Variants in AAK1 observed in about 807,000 individuals in gnomAD.
AAK1 encodes the protein AP2-associated protein kinase 1.
AAK1 carries 37 observed loss-of-function variants against 116.0 expected under a neutral mutation model. The ratio of observed to expected loss-of-function variants is 0.32; its 90% CI spans 0.25 to 0.42. AAK1 has a LOEUF of 0.42. Among genes scored for constraint, AAK1 ranks in the 10% least tolerant of loss-of-function variants. The pLI is 1.00. For synonymous variants in AAK1, 458 were observed against 439.9 expected (o/e 1.04, Z -0.51); for missense variants, 919 against 1,170.6 (o/e 0.79, Z 3.14).
intron 2 of AAK1, among the ~76,000 whole-genome samples, chr2:69,591,265 A>C (rs1245410140): frequency 6.6e-6 from 1 of 152,194 alleles, no homozygotes; most frequent in Non-Finnish European, 1.5e-5. Context: ...CCCAGGCTCT[A>C]CAGGAGCATG....
intron 2 of AAK1, among the ~76,000 whole-genome samples, chr2:69,630,078 C>T (rs1675096179): frequency 6.6e-6 from 1 of 152,052 alleles, no homozygotes. Flanking sequence ...GAGGAGGGCG[C>T]AGGCCTGGTG....
chr2:69,534,319 G>A (rs184599676), intron 5 of AAK1, among the ~76,000 whole-genome samples: 1 of 152,180 alleles, frequency 6.6e-6, no homozygotes, highest in Non-Finnish European at 1.5e-5. Flanking sequence ...GCTACAGGAA[G>A]CAGGTTAGAA....
chr2:69,606,259 G>C (rs1263237647), intron 2 of AAK1, among the ~76,000 whole-genome samples: 2 of 152,148 alleles, frequency 1.3e-5, no homozygotes, highest in African/African-American at 2.4e-5. Context: ...GGGTGTCCAT[G>C]TCTTCCCCAC....
intron 2 of AAK1, among the ~76,000 whole-genome samples, chr2:69,625,805 G>A (rs536340149): frequency 5.3e-5 from 8 of 152,210 alleles, no homozygotes; most frequent in African/African-American, 1.9e-4. Flanking sequence ...TTCCAACAAT[G>A]AGTTGTCTCA....
rs927419160 is a variant in AAK1 at position 69,461,558 on chromosome 2, G to A, written c.*14311C>T. ...GCATCCGTTTCTGTATTCAAAGAAGGTATGTAGAGTCTCCACCCATCATGT... is the reference window on the plus strand; with the variant it reads ...GCATCCGTTTCTGTATTCAAAGAAGATATGTAGAGTCTCCACCCATCATGT... On this transcript the variant is annotated 3_prime_UTR_variant, in exon 22 of 22. Coordinates refer to ENST00000409085, the MANE Select transcript of AAK1 (RefSeq NM_014911.5). 11 of 375,062 alleles carry A rather than the reference G, an allele frequency of 2.9e-5. No homozygotes were observed. Among genetic ancestry groups the A allele is most frequent in the Admixed American group, 2.0e-4 (6 of 29,578 alleles). 23.2% of individuals were successfully genotyped at this position (375,062 alleles called of 1,614,324 possible).
chr2:69,551,043 C>T (rs1018614034), intron 3 of AAK1, among the ~76,000 whole-genome samples: 1 of 151,712 alleles, frequency 6.6e-6, no homozygotes, highest in Non-Finnish European at 1.5e-5. Flanking sequence ...TTTCATGCTT[C>T]CTGTGTTTTT....
At chr2:69,611,064 T>G (rs898541836) in intron 2 of AAK1, among the ~76,000 whole-genome samples, 6 of 152,102 alleles carry the variant, frequency 3.9e-5, no homozygotes, top group African/African-American at 1.4e-4. Context: ...TTTGACTGGA[T>G]TGAGGGATGC....
At chr2:69,608,182 G>A (rs926714411) in intron 2 of AAK1, among the ~76,000 whole-genome samples, 7 of 152,276 alleles carry the variant, frequency 4.6e-5, no homozygotes, top group Middle Eastern at 3.4e-3. Context: ...CACAAAAGAA[G>A]GCTAGGGCAG....
Position 69,470,038 on chromosome 2 carries a change from A to ATC in AAK1, c.*5830_*5831insGA. 3 of 985,450 alleles carry ATC rather than the reference A, an allele frequency of 3.0e-6. No individual in the cohort carries two copies. Among genetic ancestry groups the ATC allele is most frequent in the Non-Finnish European group, 3.6e-6 (3 of 829,942 alleles). The allele number at this position is 985,450 out of a possible 1,614,324, so 61.0% of individuals were successfully genotyped here. The stretch of plus-strand genomic sequence containing the variant: ...TCATTTAGGATGGGTTTCCCCTGGA[A>ATC]ACTCCATCTGATTGACATAGTGAGG... On this transcript the variant is annotated 3_prime_UTR_variant, in exon 22 of 22. Coordinates refer to ENST00000409085, the MANE Select transcript of AAK1 (RefSeq NM_014911.5).
chr2:69,503,846 A>C (rs1676069686), intron 16 of AAK1, among the ~76,000 whole-genome samples: 1 of 152,128 alleles, frequency 6.6e-6, no homozygotes, highest in African/African-American at 2.4e-5. Flanking sequence ...ATACTTTAAC[A>C]AAATTAGCTG....
chr2:69,603,392 A>T (rs1673663804), intron 2 of AAK1, among the ~76,000 whole-genome samples: 1 of 151,748 alleles, frequency 6.6e-6, no homozygotes, highest in Non-Finnish European at 1.5e-5. Context: ...GAGAGAGAGA[A>T]CCCTATTCTG....
intron 2 of AAK1, among the ~76,000 whole-genome samples, chr2:69,586,880 C>T (rs976520448): frequency 3.3e-5 from 5 of 152,090 alleles, no homozygotes; most frequent in Middle Eastern, 6.8e-3. Context: ...TTGGGTCGGG[C>T]GGAGGGTAAA....
At chr2:69,503,734 T>C (rs928293184) in intron 16 of AAK1, among the ~76,000 whole-genome samples, 1 of 152,224 alleles carries the variant, frequency 6.6e-6, no homozygotes, top group Non-Finnish European at 1.5e-5. Context: ...TTGGCCAGGC[T>C]GGTCTCAAAC....
rs73934947 is a variant in AAK1, at chr2:69,465,125, G to A, written c.*10744C>T. The A allele has an allele frequency of 0.035, 7,616 of 217,388 alleles. 447 individuals are homozygous for A. Among genetic ancestry groups the A allele is most frequent in the East Asian group, 0.17 (1,397 of 7,984 alleles). The allele number at this position is 217,388 out of a possible 1,614,324, so 13.5% of individuals were successfully genotyped here. Reference sequence around the variant, plus strand: ...TTTAAACAGTTTCTGTGGGTGGGGCGGGGGGAAAGCAGAGTTCTTGGTGGA... The same window carrying A: ...TTTAAACAGTTTCTGTGGGTGGGGCAGGGGGAAAGCAGAGTTCTTGGTGGA... On this transcript the variant is annotated 3_prime_UTR_variant, in exon 22 of 22. Coordinates refer to ENST00000409085, the MANE Select transcript of AAK1 (RefSeq NM_014911.5).
At chr2:69,614,735 C>T (rs1318135938) in intron 2 of AAK1, among the ~76,000 whole-genome samples, 1 of 152,120 alleles carries the variant, frequency 6.6e-6, no homozygotes, top group East Asian at 1.9e-4. Context: ...AGATGGGGGT[C>T]ATCCTGGATT....
At chr2:69,524,465 T>C (rs976762271) in intron 10 of AAK1, among the ~76,000 whole-genome samples, 5 of 152,046 alleles carry the variant, frequency 3.3e-5, no homozygotes, top group Non-Finnish European at 5.9e-5. Context: ...GATGGAGTCT[T>C]GCTCTGTCGC....
At chr2:69,479,629 A>G (rs1298253119) in intron 19 of AAK1, among the ~76,000 whole-genome samples, 1 of 152,222 alleles carries the variant, frequency 6.6e-6, no homozygotes, top group Non-Finnish European at 1.5e-5. Context: ...AGAATGTGAC[A>G]AGATTAAACA....
intron 2 of AAK1, among the ~76,000 whole-genome samples, chr2:69,591,968 C>T (rs1673054772): frequency 6.6e-6 from 1 of 152,114 alleles, no homozygotes; most frequent in Non-Finnish European, 1.5e-5. Flanking sequence ...GACAATTTTC[C>T]TAACACTTTT....
chr2:69,608,911 T>C (rs1289326553), intron 2 of AAK1, among the ~76,000 whole-genome samples: 3 of 152,102 alleles, frequency 2.0e-5, no homozygotes, highest in African/African-American at 7.2e-5. Flanking sequence ...TAAACTCAAC[T>C]AAGGAGATGA....
Sources: gnomAD v4.1 joint callset for allele counts (sites outside exome capture counted in the v4.1 genomes callset) on GRCh38, gnomAD v4.1.1 for gene constraint, MANE v1.5 for transcripts, NCBI Gene and HGNC (gene_info 2026-07-23, HGNC 2026-07-21) for gene names.